Variants in FBLN5 observed in about 807,000 individuals in gnomAD.
The protein encoded by FBLN5 is fibulin 5.
A neutral mutation model predicts 61.6 loss-of-function variants in FBLN5; 24 were observed. The observed-to-expected ratio is 0.39, with a 90% CI of 0.28 to 0.55. The LOEUF (loss-of-function observed/expected upper bound fraction) is 0.55. Ranked by LOEUF, FBLN5 falls within the 20% of genes least tolerant of loss-of-function variation. The pLI is 0.65. For synonymous variants in FBLN5, 213 were observed against 219.8 expected, an observed-to-expected ratio of 0.97 and a Z score of 0.27; for missense variants, 470 against 594.1, an observed-to-expected ratio of 0.79 and a Z score of 2.17.
intron 1 of FBLN5, among the ~76,000 whole-genome samples, chr14:91,946,398 G>T (rs1008303570): frequency 2.0e-5 from 3 of 151,998 alleles, no homozygotes; most frequent in African/African-American, 7.2e-5. Context: ...TGGGTTCGCC[G>T]GTGTTGTGCC....
chr14:91,890,700 C>T (rs1889953297), intron 6 of FBLN5, among the ~76,000 whole-genome samples: 2 of 152,300 alleles, frequency 1.3e-5, no homozygotes, highest in Admixed American at 6.5e-5. Flanking sequence ...ATGTTACCAC[C>T]ACCACCAGAC....
intron 5 of FBLN5, among the ~76,000 whole-genome samples, chr14:91,894,396 C>G (rs1890120941): frequency 1.8e-5 from 1 of 55,770 alleles, no homozygotes; most frequent in African/African-American, 5.4e-5. Context: ...GAGGGAGACA[C>G]CATATCAAAA....
chr14:91,885,702 G>A (rs1414318773), intron 7 of FBLN5, among the ~76,000 whole-genome samples: 1 of 152,180 alleles, frequency 6.6e-6, no homozygotes, highest in Non-Finnish European at 1.5e-5. Flanking sequence ...GGCAGAGCTA[G>A]AATTTGAACT....
chr14:91,906,415 G>A (rs1158709588), intron 4 of FBLN5, among the ~76,000 whole-genome samples: 1 of 152,190 alleles, frequency 6.6e-6, no homozygotes, highest in East Asian at 1.9e-4. Context: ...GAGGGAGCAA[G>A]AGAGAAAGAG....
chr14:91,906,577 C>T (rs1372457619), intron 4 of FBLN5, among the ~76,000 whole-genome samples: 1 of 152,218 alleles, frequency 6.6e-6, no homozygotes, highest in East Asian at 1.9e-4. Flanking sequence ...ATGACATGAA[C>T]CTAAAATAAA....
intron 4 of FBLN5, among the ~76,000 whole-genome samples, chr14:91,898,658 G>A (rs1454185533): frequency 1.3e-5 from 2 of 152,092 alleles, no homozygotes; most frequent in African/African-American, 4.8e-5. Flanking sequence ...ACCTGAGCAA[G>A]GGTCAGTATC....
rs529571978 is a variant in FBLN5, at chr14:91,909,676, G to A, written c.380-14604C>T. ...TTCTGGCCACATGATGCCTTCCACC[G>A]TGTTATGACACAGCCAGAAGGCCCA... On this transcript the variant is annotated intron_variant, in intron 4 of 10. Transcript: ENST00000342058. Among the ~76,000 whole-genome samples, 11 of 152,186 alleles carry A rather than the reference G, an allele frequency of 7.2e-5. No homozygotes were observed. The East Asian group carries it at 9.7e-4, about 13-fold the overall frequency.
At chr14:91,923,870 C>CAGA (rs1442011184) in intron 4 of FBLN5, among the ~76,000 whole-genome samples, 1 of 152,192 alleles carries the variant, frequency 6.6e-6, no homozygotes, top group Non-Finnish European at 1.5e-5. Flanking sequence ...AATGGACGCA[C>CAGA]AGATATGCAA....
intron 4 of FBLN5, among the ~76,000 whole-genome samples, chr14:91,905,297 C>T (rs1021716649): frequency 6.6e-6 from 1 of 152,170 alleles, no homozygotes; most frequent in African/African-American, 2.4e-5. Flanking sequence ...CTCCTATCAC[C>T]TGCCCCCCTA....
At position 91,881,411 on chromosome 14, in the gene FBLN5, G is replaced by A. The variant is rs374301196; in HGVS notation, c.870C>T (p.Asn290=). ...LDDNRSCQDI[N]ECEHRNHTCN... is the part of the protein sequence containing the mutation. ...ACGTGTGGTTCCTGTGCTCACATTCGTTGATGTCTGAAATGCAGGGGAGAC... is the reference window on the plus strand; with the variant it reads ...ACGTGTGGTTCCTGTGCTCACATTCATTGATGTCTGAAATGCAGGGGAGAC... The change falls in exon 9 of 11, where the codon AAC becomes AAT. Residue 290 remains asparagine, a synonymous_variant. Transcript: ENST00000342058. 9.3e-6 allele frequency: 15 copies of A among 1,614,038 alleles called. No individual in the cohort carries two copies. The African/African-American group carries it at 9.3e-5, about 10-fold the overall frequency.
chr14:91,941,164 C>T (rs908055390), intron 2 of FBLN5, among the ~76,000 whole-genome samples: 7 of 152,080 alleles, frequency 4.6e-5, no homozygotes, highest in African/African-American at 1.7e-4. Flanking sequence ...TTCAGAGTGT[C>T]GAATATGAGT....
At position 91,947,140 on chromosome 14, in the gene FBLN5, A is replaced by G; in HGVS notation, c.17+73T>C. 1.9e-6 allele frequency: 3 copies of G among 1,606,846 alleles called. No individual in the cohort carries two copies. The highest frequency in any genetic ancestry group is 2.2e-5 in the South Asian group (2 of 90,734). ...CACCGCCTGAATCGCAGCCATAACC[A>G]TTTTCCACCCATCGGATTTTTAGCA... is the stretch of plus-strand genomic sequence containing the variant. On this transcript the variant is annotated intron_variant, in intron 1 of 10. Coordinates refer to ENST00000342058, the MANE Select transcript of FBLN5 (RefSeq NM_006329.4). The surrounding 1 kb of genome is among the most constrained non-coding windows in gnomAD (Gnocchi z 4.3).
At chr14:91,878,607 G>C (rs1889281321) in intron 9 of FBLN5, among the ~76,000 whole-genome samples, 1 of 152,184 alleles carries the variant, frequency 6.6e-6, no homozygotes, top group African/African-American at 2.4e-5. Flanking sequence ...ACTTCCAAAA[G>C]AGAGTCCACA....
chr14:91,900,254 G>A (rs1284202906), intron 4 of FBLN5, among the ~76,000 whole-genome samples: 1 of 152,010 alleles, frequency 6.6e-6, no homozygotes, highest in Non-Finnish European at 1.5e-5. Flanking sequence ...ATCTCTATAG[G>A]CAGTTATAAC....
At position 91,882,910 on chromosome 14, in the gene FBLN5, A is replaced by C. The variant is rs1308723373; in HGVS notation, c.862+44T>G. On this transcript the variant is annotated intron_variant, in intron 8 of 10. Coordinates refer to ENST00000342058, the MANE Select transcript of FBLN5 (RefSeq NM_006329.4). The surrounding 1 kb of genome is among the most constrained non-coding windows in gnomAD (Gnocchi z 4.9). ...CCAGATGAGCCCCTGAAGCAGCTCC[A>C]CCTCACACATACACCCCAGCCAGGC... The C allele has an allele frequency of 6.2e-7, 1 of 1,609,146 alleles. No individual in the cohort carries two copies. The highest frequency in any genetic ancestry group is 1.3e-5 in the African/African-American group (1 of 74,866).
chr14:91,934,536 G>A (rs558037979), intron 4 of FBLN5, among the ~76,000 whole-genome samples: 27 of 152,266 alleles, frequency 1.8e-4, no homozygotes, highest in African/African-American at 6.5e-4. Context: ...TGTTACTGTT[G>A]ATCGCTATTC....
intron 4 of FBLN5, among the ~76,000 whole-genome samples, chr14:91,927,581 G>A (rs2055850617): frequency 6.6e-6 from 1 of 152,210 alleles, no homozygotes; most frequent in Non-Finnish European, 1.5e-5. Flanking sequence ...CATTTAGAAT[G>A]ACTGCACTTC....
chr14:91,909,528 C>T (rs1890832416), intron 4 of FBLN5, among the ~76,000 whole-genome samples: 1 of 152,170 alleles, frequency 6.6e-6, no homozygotes, highest in Non-Finnish European at 1.5e-5. Flanking sequence ...AGGTCGATTA[C>T]AGCTGGAGCT....
intron 4 of FBLN5, among the ~76,000 whole-genome samples, chr14:91,933,194 G>A (rs2055956058): frequency 6.6e-6 from 1 of 152,156 alleles, no homozygotes; most frequent in African/African-American, 2.4e-5. Context: ...ACACTACCTG[G>A]ATATTTAATG....
Sources: gnomAD v4.1 joint callset for allele counts (sites outside exome capture counted in the v4.1 genomes callset) on GRCh38, gnomAD v4.1.1 for gene constraint, Gnocchi (gnomAD v3.1) non-coding constraint, MANE v1.5 for transcripts, NCBI Gene and HGNC (gene_info 2026-07-23, HGNC 2026-07-21) for gene names.